TNR: variants seen among roughly 807,000 people sequenced by gnomAD.
TNR encodes the protein tenascin-R.
A neutral mutation model predicts 150.4 loss-of-function variants in TNR; 45 were observed. That is an observed-to-expected ratio of 0.30 (90% confidence interval 0.24 to 0.38). TNR has a LOEUF of 0.38. Ranked by LOEUF, TNR falls within the 10% of genes least tolerant of loss-of-function variation. TNR has a pLI of 1.00. For missense variants in TNR, 1,544 were observed against 1,759.1 expected, an observed-to-expected ratio of 0.88 and a Z score of 2.19; for synonymous variants, 687 against 678.4, an observed-to-expected ratio of 1.01 and a Z score of -0.20.
intron 1 of TNR, among the ~76,000 whole-genome samples, chr1:175,696,025 A>G (rs982653580): frequency 1.1e-5 from 1 of 93,022 alleles, no homozygotes; most frequent in Non-Finnish European, 2.3e-5. Context: ...CAGATAGATT[A>G]ATATTAGCCA....
chr1:175,725,973 G>C (rs1039148571), intron 1 of TNR, among the ~76,000 whole-genome samples: 1 of 152,186 alleles, frequency 6.6e-6, no homozygotes, highest in African/African-American at 2.4e-5. Flanking sequence ...GGAAGCATTA[G>C]AGGTGCCAAG....
intron 2 of TNR, among the ~76,000 whole-genome samples, chr1:175,452,380 A>G (rs1464140124): frequency 6.6e-6 from 1 of 152,252 alleles, no homozygotes. Context: ...AAAGAAAATA[A>G]ACCCTGGAAA....
At chr1:175,643,147 G>A (rs1282809323) in intron 1 of TNR, among the ~76,000 whole-genome samples, 4 of 152,114 alleles carry the variant, frequency 2.6e-5, no homozygotes, top group African/African-American at 9.7e-5. Context: ...GAACCCAGAA[G>A]GAGAAGCATG....
chr1:175,559,464 T>A (rs912741771), intron 1 of TNR, among the ~76,000 whole-genome samples: 1 of 152,194 alleles, frequency 6.6e-6, no homozygotes, highest in Admixed American at 6.5e-5. Context: ...ATTGTGTTTT[T>A]CCACCACATA....
intron 1 of TNR, among the ~76,000 whole-genome samples, chr1:175,670,656 G>A (rs1665670615): frequency 6.6e-6 from 1 of 151,988 alleles, no homozygotes; most frequent in African/African-American, 2.4e-5. Flanking sequence ...CAGAGGGGAG[G>A]GGTTCTCATA....
At chr1:175,575,485 G>A (rs1260754232) in intron 1 of TNR, among the ~76,000 whole-genome samples, 2 of 152,162 alleles carry the variant, frequency 1.3e-5, no homozygotes, top group Non-Finnish European at 2.9e-5. Flanking sequence ...GTCACAGCCT[G>A]GTTGACGAAC....
chr1:175,359,206 C>T lies in TNR; in HGVS notation c.2974+406G>A, dbSNP rs184613687. 4.1e-5 allele frequency among the ~76,000 whole-genome samples: 5 copies of T among 122,024 alleles called. No homozygotes were observed. The East Asian group carries it at 8.4e-4, about 21-fold the overall frequency. 80.1% of individuals were successfully genotyped at this position (122,024 alleles called of 152,430 possible). ...TGACTCCCAGGCTGGAGTGCAATGG[C>T]GTGATCTTGGCTCACTGTAACCTCC... On this transcript the variant is annotated intron_variant, in intron 15 of 22. Transcript: ENST00000367674.
At position 175,355,565 on chromosome 1, in the gene TNR, G is replaced by A. The variant is rs764802314; in HGVS notation, c.3187C>T (p.Pro1063Ser). 49 of 1,613,940 alleles carry A rather than the reference G, an allele frequency of 3.0e-5. No homozygotes were observed. The highest frequency in any genetic ancestry group is 1.6e-4 in the Middle Eastern group (1 of 6,082). ...TRQSALISWQ[P>S]PRAEIENYVL... ...TAATTTTCAATCTCTGCCCTGGGAG[G>A]CTGCCAGGAGATCAGGGCACTTTGT... The change falls in exon 17 of 23, where the codon CCT (proline) becomes TCT (serine). Residue 1063 changes from proline (P) to serine (S), a missense_variant. By Grantham distance (74) the Pro-to-Ser change is moderately conservative (BLOSUM62 -1). This residue lies in a region of TNR where 290 missense variants were observed against 429.7 expected (regional missense o/e 0.67). Coordinates refer to ENST00000367674, the MANE Select transcript of TNR (RefSeq NM_003285.3).
chr1:175,663,513 C>T lies in TNR; in HGVS notation c.-165+79713G>A, dbSNP rs145121790. Among the ~76,000 whole-genome samples the T allele has an allele frequency of 5.3e-3, 810 of 152,298 alleles. 7 individuals are homozygous for T. Among genetic ancestry groups the T allele is most frequent in the African/African-American group, 0.017 (714 of 41,560 alleles). The stretch of plus-strand genomic sequence containing the variant: ...TTGTTAGCAGCACGCACAGAAAACA[C>T]ACAAGGATTTTTGTTGACTCTAAGT... On this transcript the variant is annotated intron_variant, in intron 1 of 22. Coordinates refer to ENST00000367674, the MANE Select transcript of TNR (RefSeq NM_003285.3).
At chr1:175,691,692 G>T (rs1666373142) in intron 1 of TNR, among the ~76,000 whole-genome samples, 1 of 152,112 alleles carries the variant, frequency 6.6e-6, no homozygotes, top group Admixed American at 6.5e-5. Flanking sequence ...CAGATCAGGG[G>T]AAACCTGTTA....
rs939671824 is a variant in TNR at position 175,391,347 on chromosome 1, T to C, written c.1448A>G (p.Asn483Ser). The C allele has an allele frequency of 3.1e-6, 5 of 1,614,178 alleles. No individual in the cohort carries two copies. In the Admixed American group the frequency reaches 5.0e-5, roughly 16 times the overall value. Residue 483 changes from asparagine to serine, a missense_variant, in exon 7 of 23, where the codon AAT becomes AGT. Coordinates refer to ENST00000367674, the MANE Select transcript of TNR (RefSeq NM_003285.3). ...GGCCTGTTCTTTCAGAGCCACCACA[T>C]TGACAATGTATTCCTCCCCAGGCTT... Reference protein sequence around the residue: ...GLKPGEEYIVNVVALKEQARS... With the variant: ...GLKPGEEYIVSVVALKEQARS...
intron 18 of TNR, among the ~76,000 whole-genome samples, chr1:175,338,007 G>T (rs547298756): frequency 6.6e-6 from 1 of 152,198 alleles, no homozygotes; most frequent in African/African-American, 2.4e-5. Flanking sequence ...GTAAAATGGG[G>T]ATAATAAAAG....
intron 2 of TNR, among the ~76,000 whole-genome samples, chr1:175,491,645 T>C: frequency 2.2e-5 from 1 of 46,088 alleles, no homozygotes; most frequent in Non-Finnish European, 4.4e-5. Context: ...GCCCAGACTT[T>C]TTTTTTTTTT....
intron 1 of TNR, among the ~76,000 whole-genome samples, chr1:175,741,702 A>G (rs549590054): frequency 1.4e-4 from 22 of 152,326 alleles, no homozygotes; most frequent in Admixed American, 3.9e-4. Flanking sequence ...GTAAAAAAGA[A>G]AAGTGGTGCC....
intron 2 of TNR, among the ~76,000 whole-genome samples, chr1:175,520,811 C>T (rs1659608460): frequency 6.6e-6 from 1 of 152,210 alleles, no homozygotes; most frequent in South Asian, 2.1e-4. Flanking sequence ...TAGCAGGGTG[C>T]CATGTTCTAA....
chr1:175,637,634 A>G lies in TNR; in HGVS notation c.-165+105592T>C, dbSNP rs970798345. Among the ~76,000 whole-genome samples, 14 of 152,360 alleles carry G rather than the reference A, an allele frequency of 9.2e-5. No homozygotes were observed. The East Asian group carries it at 1.5e-3, about 17-fold the overall frequency. On this transcript the variant is annotated intron_variant, in intron 1 of 22. Transcript: ENST00000367674. ...TGAGAGGTAATACATCTACATTTTC[A>G]TGATAGGTTCATCTTAAGGGGCCAA...
In TNR at chr1:175,613,186, A is replaced by G. The variant is rs1663651333; in HGVS notation, c.-164-84817T>C. ...AGAGCTATCTTTCTAGAAGGGTGCT[A>G]CAGGGCAAAGACATAATCTCTCTAA... On this transcript the variant is annotated intron_variant, in intron 1 of 22. Coordinates refer to ENST00000367674, the MANE Select transcript of TNR (RefSeq NM_003285.3). 1.3e-5 allele frequency among the ~76,000 whole-genome samples: 2 copies of G among 152,268 alleles called. 1 individual carries two copies. The highest frequency in any genetic ancestry group is 4.1e-4 in the South Asian group (2 of 4,824).
rs1663709351 is a variant in TNR at position 175,614,623 on chromosome 1, T to C, written c.-164-86254A>G. 2.6e-5 allele frequency among the ~76,000 whole-genome samples: 4 copies of C among 152,326 alleles called. No individual in the cohort carries two copies. In the South Asian group the frequency reaches 8.3e-4, roughly 32 times the overall value. ...TGTTAAAAGGAAGCCTGACTCTTTG[T>C]AGCATACACTATGGATATGCACTTC... On this transcript the variant is annotated intron_variant, in intron 1 of 22. Transcript: ENST00000367674.
intron 2 of TNR, among the ~76,000 whole-genome samples, chr1:175,509,856 A>G (rs1363785304): frequency 3.3e-5 from 5 of 152,282 alleles, no homozygotes; most frequent in Non-Finnish European, 5.9e-5. Context: ...TGAGGATTGA[A>G]CTAACATTTT....
Sources: allele counts gnomAD v4.1 joint callset (sites outside exome capture counted in the v4.1 genomes callset), GRCh38; gene constraint gnomAD v4.1.1; regional missense constraint gnomAD v4.1.1; transcripts MANE v1.5; gene names NCBI Gene and HGNC (gene_info 2026-07-23, HGNC 2026-07-21).